The following MYO18B variants were observed in gnomAD, a reference collection of about 807,000 sequenced individuals.
The protein encoded by MYO18B is unconventional myosin-XVIIIb.
MYO18B carries 204 observed loss-of-function variants against 273.0 expected under a neutral mutation model. The ratio of observed to expected loss-of-function variants is 0.75; its 90% CI spans 0.67 to 0.84. The LOEUF is 0.84. MYO18B is among the 40% of genes least tolerant of loss of function. The pLI, the probability that MYO18B is intolerant of heterozygous loss-of-function variation, is 0.00. For synonymous variants in MYO18B, 1,330 were observed against 1,305.7 expected, an observed-to-expected ratio of 1.02 and a Z score of -0.40; for missense variants, 3,212 against 3,287.6, an observed-to-expected ratio of 0.98 and a Z score of 0.56.
Position 25,898,665 on chromosome 22 carries a change from C to T in MYO18B, c.4823+204C>T, listed in dbSNP as rs1280783618. On this transcript the variant is annotated intron_variant, in intron 29 of 43. Coordinates refer to ENST00000335473, the MANE Select transcript of MYO18B (RefSeq NM_032608.7). Reference sequence around the variant, plus strand: ...AAATTATTCTTTTCTCTTAGCCAGCCTCAACTATGTGGCCAATTGATCTTG... The same window carrying T: ...AAATTATTCTTTTCTCTTAGCCAGCTTCAACTATGTGGCCAATTGATCTTG... 10 of 570,610 alleles carry T rather than the reference C, an allele frequency of 1.8e-5. No individual in the cohort carries two copies. In the South Asian group the frequency reaches 2.7e-4, roughly 16 times the overall value. The allele number at this position is 570,610 out of a possible 1,614,324, so 35.3% of individuals were successfully genotyped here.
intron 21 of MYO18B, among the ~76,000 whole-genome samples, chr22:25,856,041 G>T (rs1314601601): frequency 1.3e-5 from 2 of 151,946 alleles, no homozygotes; most frequent in Admixed American, 6.6e-5. Flanking sequence ...TCAGTTTTTT[G>T]GGGTATATAC....
At chr22:25,788,909 A>AT (rs1464838260) in intron 11 of MYO18B, among the ~76,000 whole-genome samples, 4 of 152,052 alleles carry the variant, frequency 2.6e-5, no homozygotes, top group Admixed American at 6.6e-5. Flanking sequence ...TTGGGCCTCG[A>AT]TTTTTTCCTT....
chr22:26,048,194 C>T, the MYO18B span, among the ~76,000 whole-genome samples: 16 of 152,176 alleles, frequency 1.1e-4, no homozygotes, highest in Admixed American at 3.9e-4. Flanking sequence ...TTGTCTGTTT[C>T]CGCTACTACT....
intron 8 of MYO18B, among the ~76,000 whole-genome samples, chr22:25,779,674 C>T (rs1451828417): frequency 6.6e-6 from 1 of 152,214 alleles, no homozygotes; most frequent in African/African-American, 2.4e-5. Flanking sequence ...TTTTGCAAGC[C>T]TGCCTCTAAG....
chr22:26,026,682 C>T lies in MYO18B; in HGVS notation c.6708C>T (p.Ser2236=). ...TGGCTTCTCGGAGTACAAATACATC[C>T]CCGCTGTCGAGGGAAAAGCTGCCCA... ...SPLASRSTNT[S]PLSREKLPSP... The change falls in exon 43 of 44, where the codon TCC becomes TCT. Residue 2236 remains serine, a synonymous_variant. Coordinates refer to ENST00000335473, the MANE Select transcript of MYO18B (RefSeq NM_032608.7). 9 of 1,613,890 alleles carry T rather than the reference C, an allele frequency of 5.6e-6. No homozygotes were observed. The highest frequency in any genetic ancestry group is 7.6e-6 in the Non-Finnish European group (9 of 1,179,866).
intron 7 of MYO18B, among the ~76,000 whole-genome samples, chr22:25,775,018 G>A (rs2086863946): frequency 6.6e-6 from 1 of 152,264 alleles, no homozygotes; most frequent in African/African-American, 2.4e-5. Flanking sequence ...CATGCATATA[G>A]GAGGGCCTTC....
intron 22 of MYO18B, among the ~76,000 whole-genome samples, chr22:25,870,708 G>A (rs372762710): frequency 8.5e-5 from 13 of 152,060 alleles, no homozygotes; most frequent in African/African-American, 3.1e-4. Flanking sequence ...CATCAGCATC[G>A]CCCAACAGCT....
At chr22:25,804,656 T>C (rs2088382393) in intron 12 of MYO18B, among the ~76,000 whole-genome samples, 1 of 152,220 alleles carries the variant, frequency 6.6e-6, no homozygotes, top group South Asian at 2.1e-4. Flanking sequence ...GAAGGTAGCT[T>C]TTGGCACAAG....
At chr22:26,046,847 A>C in the MYO18B span, among the ~76,000 whole-genome samples, 2,405 of 152,290 alleles carry the variant, frequency 0.016, 69 homozygotes, top group African/African-American at 0.056. Flanking sequence ...AAATAATATT[A>C]TTTCCCACTG....
In MYO18B at chr22:26,012,824, G is replaced by T. The variant is rs928609064; in HGVS notation, c.6470+7969G>T. On this transcript the variant is annotated intron_variant, in intron 42 of 43. Coordinates refer to ENST00000335473, the MANE Select transcript of MYO18B (RefSeq NM_032608.7). ...TCTGATTAAGCTAAGGTTTTGTTAC[G>T]CAAATTTACCATTGAAATATATATA... is the stretch of plus-strand genomic sequence containing the variant. 9.9e-5 allele frequency among the ~76,000 whole-genome samples: 15 copies of T among 152,272 alleles called. 1 individual carries two copies. Among genetic ancestry groups the T allele is most frequent in the Admixed American group, 7.8e-4 (12 of 15,300 alleles).
intron 32 of MYO18B, 79 bp from the exon 33 acceptor site, chr22:25,910,867 T>C: frequency 8.6e-7 from 1 of 1,162,026 alleles, no homozygotes; most frequent in South Asian, 1.3e-5. Context: ...TCCTCCGCCT[T>C]CTGAGGGTCC....
Position 25,772,448 on chromosome 22 carries a change from T to A in MYO18B, c.1807T>A (p.Cys603Ser). The part of the protein sequence containing the change: ...QRYKAQLLHT[C>S]TGPDLIVLQP... ...CTACAAAGCTCAGCTGCTGCACACC[T>A]GCACAGGGCCTGATCTGATTGTCCT... The change falls in exon 7 of 44, where the codon TGC becomes AGC. Residue 603 changes from cysteine (C) to serine (S), a missense_variant. Cys to Ser is a moderately radical substitution (Grantham distance 112). Coordinates refer to ENST00000335473, the MANE Select transcript of MYO18B (RefSeq NM_032608.7). 6.2e-7 allele frequency: 1 copy of A among 1,614,022 alleles called. No homozygotes were observed. Among genetic ancestry groups the A allele is most frequent in the Non-Finnish European group, 8.5e-7 (1 of 1,179,886 alleles).
chr22:25,797,542 C>G (rs2087972192), intron 11 of MYO18B, among the ~76,000 whole-genome samples: 1 of 152,156 alleles, frequency 6.6e-6, no homozygotes, highest in Non-Finnish European at 1.5e-5. Context: ...TATGTATCAA[C>G]CTGTACCCAT....
chr22:25,961,716 A>G (rs901480003), intron 39 of MYO18B, among the ~76,000 whole-genome samples: 43 of 152,302 alleles, frequency 2.8e-4, no homozygotes, highest in Admixed American at 7.8e-4. Context: ...GCTGACGGGA[A>G]GGTCTGACTT....
At chr22:26,025,435 A>C (rs545624966) in intron 42 of MYO18B, among the ~76,000 whole-genome samples, 18 of 152,298 alleles carry the variant, frequency 1.2e-4, no homozygotes, top group Non-Finnish European at 2.5e-4. Flanking sequence ...TGAATCCTAC[A>C]ATCGTCCTGA....
chr22:25,895,886 C>A (rs1034018435), intron 28 of MYO18B, among the ~76,000 whole-genome samples: 1 of 150,586 alleles, frequency 6.6e-6, no homozygotes, highest in East Asian at 1.9e-4. Context: ...TTTCTGTGCT[C>A]CTCCCCCAGT....
At position 25,992,426 on chromosome 22, in the gene MYO18B, A is replaced by G. The variant is rs1396046080; in HGVS notation, c.6220A>G (p.Ile2074Val). 6 of 1,614,002 alleles carry G rather than the reference A, an allele frequency of 3.7e-6. No homozygotes were observed. Among genetic ancestry groups the G allele is most frequent in the Non-Finnish European group, 5.1e-6 (6 of 1,179,878 alleles). The change falls in exon 40 of 44, where the codon ATT (isoleucine) becomes GTT (valine). Residue 2074 changes from isoleucine (I) to valine (V), a missense_variant. Transcript: ENST00000335473. ...CCTCCAGACAGACCTGGAGACATCC[A>G]TTCGGCGGATTGCCGACCTGCAGGC... ...QTLQTDLETS[I>V]RRIADLQAAL...
intron 40 of MYO18B, among the ~76,000 whole-genome samples, chr22:25,997,252 C>G (rs9624947): frequency 8.3e-6 from 1 of 120,570 alleles, no homozygotes; most frequent in Non-Finnish European, 1.6e-5. Flanking sequence ...TTGCAGTGAG[C>G]TGAGATGGCG....
intron 1 of MYO18B, among the ~76,000 whole-genome samples, chr22:25,755,098 C>G (rs1458015493): frequency 6.6e-6 from 1 of 152,192 alleles, no homozygotes; most frequent in Non-Finnish European, 1.5e-5. Context: ...GCCAGTGTCT[C>G]CCAAGGGGAC....
Sources: gnomAD v4.1 joint callset for allele counts (sites outside exome capture counted in the v4.1 genomes callset) on GRCh38, gnomAD v4.1.1 for gene constraint, MANE v1.5 for transcripts, NCBI Gene and HGNC (gene_info 2026-07-23, HGNC 2026-07-21) for gene names.